The following COL8A1 variants were observed in gnomAD, a reference collection of about 807,000 sequenced individuals.
COL8A1 encodes the protein collagen alpha-1(VIII) chain.
COL8A1 carries 21 observed loss-of-function variants against 42.7 expected under a neutral mutation model. That is an observed-to-expected ratio of 0.49 (90% confidence interval 0.35 to 0.71). COL8A1 has a LOEUF of 0.71. Among genes scored for constraint, COL8A1 ranks in the 30% least tolerant of loss-of-function variants. The probability of loss-of-function intolerance (pLI) is 0.01; values close to 1 mark genes in which losing one functional copy is unlikely to be tolerated. For missense variants in COL8A1, 788 were observed against 962.4 expected, an observed-to-expected ratio of 0.82 and a Z score of 2.40; for synonymous variants, 367 against 369.1, an observed-to-expected ratio of 0.99 and a Z score of 0.06.
At chr3:99,679,300 A>G (rs984294395) in intron 1 of COL8A1, 4 of 152,244 alleles carry the variant, frequency 2.6e-5, no homozygotes, top group African/African-American at 9.6e-5. Context: ...ACACATGAGA[A>G]GTGACGTTTG....
chr3:99,713,086 T>C (rs922043052), intron 1 of COL8A1, among the ~76,000 whole-genome samples: 2 of 152,248 alleles, frequency 1.3e-5, no homozygotes, highest in South Asian at 4.1e-4. Flanking sequence ...TTGATTTGTG[T>C]CAGGCCTCTG....
At chr3:99,701,403 A>G (rs573020842) in intron 1 of COL8A1, among the ~76,000 whole-genome samples, 2 of 152,194 alleles carry the variant, frequency 1.3e-5, no homozygotes, top group Non-Finnish European at 2.9e-5. Context: ...ACCCCTACAC[A>G]TAATGGGTGA....
chr3:99,783,732 G>A lies in COL8A1; in HGVS notation c.-3-6948G>A, dbSNP rs538474026. Among the ~76,000 whole-genome samples the A allele has an allele frequency of 7.2e-4, 109 of 152,354 alleles. 1 individual carries two copies. Among genetic ancestry groups the A allele is most frequent in the Middle Eastern group, 6.8e-3 (2 of 294 alleles). On this transcript the variant is annotated intron_variant, in intron 2 of 3. Coordinates refer to ENST00000652472, the MANE Select transcript of COL8A1 (RefSeq NM_020351.4). The stretch of plus-strand genomic sequence containing the variant: ...CAAGGTAGCAGGAGAGAGAGAGCAC[G>A]TGCGCGCAAGGTGCGGGGTTTGGGG...
At chr3:99,722,048 T>A (rs1028156150) in intron 1 of COL8A1, among the ~76,000 whole-genome samples, 1 of 152,156 alleles carries the variant, frequency 6.6e-6, no homozygotes, top group Non-Finnish European at 1.5e-5. Flanking sequence ...CTTTTTTCAA[T>A]GCTATGAACT....
At chr3:99,793,183 G>T (rs367599620) in intron 3 of COL8A1, among the ~76,000 whole-genome samples, 20 of 152,288 alleles carry the variant, frequency 1.3e-4, no homozygotes, top group African/African-American at 4.8e-4. Flanking sequence ...TTAGGCAGGA[G>T]AAATAAGTTG....
intron 2 of COL8A1, among the ~76,000 whole-genome samples, chr3:99,765,940 C>G (rs1397106492): frequency 6.6e-6 from 1 of 152,116 alleles, no homozygotes; most frequent in Admixed American, 6.5e-5. Context: ...TATTTTCTTT[C>G]TTAGGCTAAT....
intron 1 of COL8A1, among the ~76,000 whole-genome samples, chr3:99,642,148 T>C (rs753917492): frequency 6.6e-6 from 1 of 152,140 alleles, no homozygotes; most frequent in Non-Finnish European, 1.5e-5. Context: ...TTCCCCTTTC[T>C]AGAGAGATAA....
chr3:99,720,245 TTA>T (rs984934169), intron 1 of COL8A1, among the ~76,000 whole-genome samples: 1 of 152,114 alleles, frequency 6.6e-6, no homozygotes, highest in Non-Finnish European at 1.5e-5. Flanking sequence ...TCTGCTAAGG[TTA>T]GAGCAAAGAA....
At chr3:99,666,481 T>C (rs1938372134) in intron 1 of COL8A1, among the ~76,000 whole-genome samples, 6 of 152,216 alleles carry the variant, frequency 3.9e-5, no homozygotes. Flanking sequence ...CACACTCAGA[T>C]AAAGTGGGAC....
At chr3:99,782,389 A>ATTAT (rs1206153147) in intron 2 of COL8A1, among the ~76,000 whole-genome samples, 1 of 151,874 alleles carries the variant, frequency 6.6e-6, no homozygotes, top group Non-Finnish European at 1.5e-5. Flanking sequence ...AATTATTATT[A>ATTAT]TTATTTATTT....
chr3:99,724,422 T>A (rs936432017), intron 1 of COL8A1, among the ~76,000 whole-genome samples: 5 of 152,040 alleles, frequency 3.3e-5, no homozygotes, highest in Non-Finnish European at 7.4e-5. Context: ...CTTGCTGGAG[T>A]TCTCAGCTCA....
Position 99,645,134 on chromosome 3 carries a change from T to C in COL8A1, c.-129+6470T>C, listed in dbSNP as rs11916724. 9.0e-3 allele frequency among the ~76,000 whole-genome samples: 1,371 copies of C among 152,336 alleles called. 23 individuals are homozygous for C. The highest frequency in any genetic ancestry group is 0.031 in the African/African-American group (1,288 of 41,572). Reference sequence around the variant, plus strand: ...ATCTTCTTCCAACTAGCATGGTGTCTACACTCTGACGATAAGCCTAAACTT... The same window carrying C: ...ATCTTCTTCCAACTAGCATGGTGTCCACACTCTGACGATAAGCCTAAACTT... On this transcript the variant is annotated intron_variant, in intron 1 of 3. Transcript: ENST00000652472.
intron 1 of COL8A1, among the ~76,000 whole-genome samples, chr3:99,724,557 A>G (rs184928828): frequency 6.6e-6 from 1 of 152,198 alleles, no homozygotes; most frequent in Non-Finnish European, 1.5e-5. Context: ...GAGGGAACAG[A>G]ACTCATTTTT....
intron 1 of COL8A1, among the ~76,000 whole-genome samples, chr3:99,662,343 C>G (rs1428217236): frequency 1.3e-5 from 2 of 149,478 alleles, no homozygotes; most frequent in African/African-American, 2.5e-5. Flanking sequence ...CATCACGCCA[C>G]TGCACTCCAG....
chr3:99,696,976 ATTTTTTT>A (rs34865022), intron 1 of COL8A1, among the ~76,000 whole-genome samples: 26 of 88,058 alleles, frequency 3.0e-4, no homozygotes, highest in East Asian at 7.5e-4. Context: ...ATATACACAA[ATTTTTTT>A]TTTTTTTTTT....
In COL8A1 at chr3:99,650,888, G is replaced by GA. The variant is rs567122498; in HGVS notation, c.-129+12230dup. Among the ~76,000 whole-genome samples, 6 of 152,240 alleles carry GA rather than the reference G, an allele frequency of 3.9e-5. No homozygotes were observed. In the South Asian group the frequency reaches 1.2e-3, roughly 32 times the overall value. Reference sequence around the variant, plus strand: ...TCCCTTGGTGAGCATATAAACTACTGAAAAAATTGAATAAGATATGCTTTT... The same window carrying GA: ...TCCCTTGGTGAGCATATAAACTACTGAAAAAAATTGAATAAGATATGCTTTT... On this transcript the variant is annotated intron_variant, in intron 1 of 3. Transcript: ENST00000652472.
chr3:99,687,923 G>A (rs770010398), intron 1 of COL8A1, among the ~76,000 whole-genome samples: 10 of 152,056 alleles, frequency 6.6e-5, no homozygotes, highest in African/African-American at 1.7e-4. Context: ...TAAAGTGCCC[G>A]TAAAAGAAAG....
chr3:99,645,226 A>T (rs944097936), intron 1 of COL8A1, among the ~76,000 whole-genome samples: 7 of 152,228 alleles, frequency 4.6e-5, no homozygotes, highest in African/African-American at 1.7e-4. Context: ...GCGATTGCCC[A>T]GTCTTAAAGT....
At chr3:99,693,822 T>A (rs1216198006) in intron 1 of COL8A1, among the ~76,000 whole-genome samples, 2 of 152,212 alleles carry the variant, frequency 1.3e-5, no homozygotes, top group African/African-American at 4.8e-5. Flanking sequence ...GTGTTCACAT[T>A]CACTCACCAC....
Sources: allele counts gnomAD v4.1 joint callset (sites outside exome capture counted in the v4.1 genomes callset), GRCh38; gene constraint gnomAD v4.1.1; transcripts MANE v1.5; gene names NCBI Gene and HGNC (gene_info 2026-07-23, HGNC 2026-07-21).